Variants in DNAAF11 observed in about 807,000 individuals in gnomAD.
The protein encoded by DNAAF11 is leucine rich repeat containing 6.
DNAAF11 carries 45 observed loss-of-function variants against 60.8 expected under a neutral mutation model. The ratio of observed to expected loss-of-function variants is 0.74; its 90% CI spans 0.58 to 0.95. DNAAF11 has a LOEUF of 0.95. Among genes scored for constraint, DNAAF11 ranks in the 40% least tolerant of loss-of-function variants. DNAAF11 has a pLI of 0.00. For missense variants in DNAAF11, 546 were observed against 546.2 expected, an observed-to-expected ratio of 1.00 and a Z score of 0.00; for synonymous variants, 191 against 183.5, an observed-to-expected ratio of 1.04 and a Z score of -0.33.
chr8:132,679,253 C>T (rs1205953644), upstream of DNAAF11, among the ~76,000 whole-genome samples: 1 of 152,184 alleles, frequency 6.6e-6, no homozygotes, highest in Non-Finnish European at 1.5e-5. Flanking sequence ...TGTTTCCATC[C>T]CTGAATCCTA....
At chr8:132,620,556 AACTACTG>A (rs1322242809) in intron 7 of DNAAF11, among the ~76,000 whole-genome samples, 8 of 152,158 alleles carry the variant, frequency 5.3e-5, no homozygotes, top group African/African-American at 1.9e-4. Context: ...GCTGGTCTCG[AACTACTG>A]ACCTCAAGTG....
chr8:132,679,851 G>A (rs1214409679), upstream of DNAAF11, among the ~76,000 whole-genome samples: 8 of 152,158 alleles, frequency 5.3e-5, no homozygotes, highest in Admixed American at 3.9e-4. Flanking sequence ...CCACAGCCAC[G>A]TGGAGCTGTA....
chr8:132,644,264 T>A (rs992777984), intron 3 of DNAAF11, among the ~76,000 whole-genome samples: 10 of 152,110 alleles, frequency 6.6e-5, no homozygotes, highest in African/African-American at 1.4e-4. Flanking sequence ...AGGTAACTCA[T>A]ACAAATCTGC....
At chr8:132,682,177 C>T in the DNAAF11 span, among the ~76,000 whole-genome samples, 1 of 152,210 alleles carries the variant, frequency 6.6e-6, no homozygotes, top group Non-Finnish European at 1.5e-5. Context: ...AGGGAAGAAA[C>T]ACTAAGTCAT....
At chr8:132,577,595 C>T (rs573516238) in intron 11 of DNAAF11, among the ~76,000 whole-genome samples, 136 of 152,294 alleles carry the variant, frequency 8.9e-4, no homozygotes, top group African/African-American at 3.1e-3. Context: ...AGTATAGTTA[C>T]TCAGTTGTAC....
At chr8:132,649,625 A>G (rs1822791966) in intron 3 of DNAAF11, among the ~76,000 whole-genome samples, 1 of 152,246 alleles carries the variant, frequency 6.6e-6, no homozygotes, top group Non-Finnish European at 1.5e-5. Context: ...CCATCTGACA[A>G]AGGGATAATA....
At chr8:132,664,078 G>A (rs1824390295) in intron 1 of DNAAF11, among the ~76,000 whole-genome samples, 1 of 152,214 alleles carries the variant, frequency 6.6e-6, no homozygotes, top group African/African-American at 2.4e-5. Context: ...TACTTGTCAA[G>A]GTAAGAAGAC....
chr8:132,583,361 AG>A (rs1441616388), intron 11 of DNAAF11, among the ~76,000 whole-genome samples: 2 of 152,156 alleles, frequency 1.3e-5, no homozygotes, highest in African/African-American at 4.8e-5. Flanking sequence ...AAAAATTATG[AG>A]GATTGAATGT....
At chr8:132,662,211 T>C (rs919532216) in intron 1 of DNAAF11, among the ~76,000 whole-genome samples, 1 of 152,188 alleles carries the variant, frequency 6.6e-6, no homozygotes, top group Non-Finnish European at 1.5e-5. Context: ...AGGAGAAGTA[T>C]TTTTGAAAGC....
At chr8:132,577,475 A>T (rs1814869856) in intron 11 of DNAAF11, among the ~76,000 whole-genome samples, 1 of 152,240 alleles carries the variant, frequency 6.6e-6, no homozygotes. Flanking sequence ...TATAGGGAAA[A>T]GAATGCCAAC....
chr8:132,612,903 C>A (rs1210053185), intron 8 of DNAAF11, among the ~76,000 whole-genome samples: 1 of 152,114 alleles, frequency 6.6e-6, no homozygotes, highest in African/African-American at 2.4e-5. Flanking sequence ...AATGCACATG[C>A]ATGGGAATGA....
At chr8:132,678,272 C>A (rs973968304), upstream of DNAAF11, among the ~76,000 whole-genome samples, 1 of 152,162 alleles carries the variant, frequency 6.6e-6, no homozygotes, top group East Asian at 1.9e-4. Flanking sequence ...CGTGTTGCCA[C>A]CAATGGCTAT....
intron 3 of DNAAF11, among the ~76,000 whole-genome samples, chr8:132,642,389 G>A (rs957339476): frequency 2.0e-5 from 3 of 152,246 alleles, no homozygotes; most frequent in African/African-American, 7.2e-5. Flanking sequence ...ATTTCTCATG[G>A]AGAGATGGCA....
At chr8:132,627,203 T>C (rs1178632934) in intron 5 of DNAAF11, among the ~76,000 whole-genome samples, 1 of 152,220 alleles carries the variant, frequency 6.6e-6, no homozygotes, top group Non-Finnish European at 1.5e-5. Flanking sequence ...GGTTCCATTC[T>C]CATTTAACCA....
chr8:132,638,990 A>G (rs1371602052), intron 3 of DNAAF11, among the ~76,000 whole-genome samples: 3 of 152,216 alleles, frequency 2.0e-5, no homozygotes, highest in African/African-American at 7.2e-5. Context: ...CTATAGAATT[A>G]TAATAGTATT....
the DNAAF11 span, among the ~76,000 whole-genome samples, chr8:132,698,533 AT>A: frequency 6.6e-6 from 1 of 152,208 alleles, no homozygotes; most frequent in South Asian, 2.1e-4. Context: ...TGTGCCTGGT[AT>A]AAAGAGGGCA....
chr8:132,619,509 C>G (rs1180372353), intron 7 of DNAAF11, among the ~76,000 whole-genome samples: 1 of 151,782 alleles, frequency 6.6e-6, no homozygotes, highest in East Asian at 1.9e-4. Context: ...TCTGCTATGT[C>G]CAGTAAGACA....
intron 11 of DNAAF11, among the ~76,000 whole-genome samples, chr8:132,575,996 C>T (rs1230674445): frequency 1.3e-5 from 2 of 152,194 alleles, no homozygotes; most frequent in African/African-American, 4.8e-5. Flanking sequence ...CTCTTGGGAA[C>T]TGGGGTACCT....
rs554941265 is a variant in DNAAF11, at chr8:132,634,763, A to G, written c.430-1800T>C. Among the ~76,000 whole-genome samples, 11 of 148,542 alleles carry G rather than the reference A, an allele frequency of 7.4e-5. No homozygotes were observed. In the East Asian group the frequency reaches 2.1e-3, roughly 29 times the overall value. On this transcript the variant is annotated intron_variant, in intron 4 of 11. Transcript: ENST00000620350. ...CATCCAGTTTGTGGCACTTTGTTATATTAATTTATATAGTATAATTTATAT... is the reference window on the plus strand; with the variant it reads ...CATCCAGTTTGTGGCACTTTGTTATGTTAATTTATATAGTATAATTTATAT...
Sources: allele counts gnomAD v4.1 joint callset (sites outside exome capture counted in the v4.1 genomes callset), GRCh38; gene constraint gnomAD v4.1.1; transcripts MANE v1.5; gene names NCBI Gene and HGNC (gene_info 2026-07-23, HGNC 2026-07-21).